The following USP31 variants were observed in gnomAD, a reference collection of about 807,000 sequenced individuals.
USP31 encodes the protein ubiquitin carboxyl-terminal hydrolase 31.
USP31 carries 44 observed loss-of-function variants against 119.4 expected under a neutral mutation model. The ratio of observed to expected loss-of-function variants is 0.37; its 90% confidence interval spans 0.29 to 0.47. USP31 has a LOEUF of 0.47. Among genes scored for constraint, USP31 ranks in the 20% least tolerant of loss-of-function variants. The probability of loss-of-function intolerance (pLI) is 0.99; values close to 1 mark genes in which losing one functional copy is unlikely to be tolerated. For missense variants in USP31, 1,643 were observed against 1,730.2 expected, an observed-to-expected ratio of 0.95 and a Z score of 0.89; for synonymous variants, 749 against 705.6, an observed-to-expected ratio of 1.06 and a Z score of -0.97.
intron 1 of USP31, among the ~76,000 whole-genome samples, chr16:23,138,626 T>C (rs1478686048): frequency 6.6e-6 from 1 of 152,110 alleles, no homozygotes; most frequent in Non-Finnish European, 1.5e-5. Flanking sequence ...TCAGTGGGCC[T>C]CCTCCCATTC....
chr16:23,073,721 C>T lies in USP31; in HGVS notation c.2335+1G>A. 6.2e-7 allele frequency: 1 copy of T among 1,611,112 alleles called. No individual in the cohort carries two copies. The highest frequency in any genetic ancestry group is 8.5e-7 in the Non-Finnish European group (1 of 1,178,754). On this transcript the variant is annotated splice_donor_variant, in intron 14 of 15. Coordinates refer to ENST00000219689, the MANE Select transcript of USP31 (RefSeq NM_020718.4). LOFTEE classifies it high-confidence loss of function. ...TGCCCAAGAACAAGAGTGGACCTCA[C>T]CTGCCACCGAGCTGTTGGCTGACCA... is the stretch of plus-strand genomic sequence containing the variant.
At chr16:23,075,270 A>G (rs1444620010) in intron 13 of USP31, among the ~76,000 whole-genome samples, 1 of 152,186 alleles carries the variant, frequency 6.6e-6, no homozygotes, top group Non-Finnish European at 1.5e-5. Flanking sequence ...CACATGACCC[A>G]GCTGGGGAGT....
At chr16:23,114,371 G>C (rs913168067) in intron 1 of USP31, among the ~76,000 whole-genome samples, 1 of 151,596 alleles carries the variant, frequency 6.6e-6, no homozygotes, top group Admixed American at 6.6e-5. Context: ...CATAGAGTTG[G>C]GCCACACAAA....
intron 1 of USP31, 99 bp downstream of exon 1, chr16:23,148,539 G>A (rs897352184): frequency 1.5e-6 from 2 of 1,366,928 alleles, no homozygotes; most frequent in African/African-American, 1.5e-5. Context: ...CAATGCAGAA[G>A]CCTGCCGGGC....
At chr16:23,087,318 A>G (rs1901153350) in intron 8 of USP31, 132 bp from the exon 9 acceptor site, 1 of 760,778 alleles carries the variant, frequency 1.3e-6, no homozygotes, top group South Asian at 1.9e-5. Flanking sequence ...ATAAGATTCT[A>G]TAAGGTTGTT....
chr16:23,084,220 T>C (rs1488537376), intron 11 of USP31, among the ~76,000 whole-genome samples: 1 of 152,174 alleles, frequency 6.6e-6, no homozygotes, highest in East Asian at 1.9e-4. Context: ...GTTTATAAGG[T>C]GCATAAAAAT....
In USP31 at chr16:23,131,019, T is replaced by C. The variant is rs139913323; in HGVS notation, c.633+17619A>G. Among the ~76,000 whole-genome samples, 255 of 152,288 alleles carry C rather than the reference T, an allele frequency of 1.7e-3. 4 individuals are homozygous for C. Among genetic ancestry groups the C allele is most frequent in the East Asian group, 3.9e-3 (20 of 5,178 alleles). ...TATACGCTATACCCGTCAAGACATT[T>C]AGAAATTCAGCTGGGCGCTGTGGCT... On this transcript the variant is annotated intron_variant, in intron 1 of 15. Transcript: ENST00000219689.
chr16:23,087,888 A>C, intron 7 of USP31, 53 bp from the exon 8 acceptor site: 2 of 1,453,044 alleles, frequency 1.4e-6, no homozygotes, highest in Non-Finnish European at 1.9e-6. Flanking sequence ...TTCCTTTAAC[A>C]CTGTTATCTT....
At chr16:23,123,127 T>C (rs948505204) in intron 1 of USP31, among the ~76,000 whole-genome samples, 19 of 152,106 alleles carry the variant, frequency 1.2e-4, no homozygotes, top group Non-Finnish European at 8.8e-5. Context: ...CCTTCTGGAG[T>C]GTTAGAGATG....
chr16:23,068,422 A>G lies in USP31; in HGVS notation c.3683T>C (p.Phe1228Ser), dbSNP rs753299696. The G allele has an allele frequency of 4.3e-6, 7 of 1,613,764 alleles. No homozygotes were observed. The South Asian group carries it at 5.5e-5, about 13-fold the overall frequency. The change falls in exon 16 of 16, where the codon TTC (phenylalanine) becomes TCC (serine). Residue 1228 changes from phenylalanine to serine, a missense_variant. Physicochemically the swap from Phe to Ser is radical, Grantham distance 155. This residue lies in a region of USP31 where 699 missense variants were observed against 650.9 expected (regional missense o/e 1.07). Coordinates refer to ENST00000219689, the MANE Select transcript of USP31 (RefSeq NM_020718.4). ...CTTCTGTCTCAAGGCTGATTTGAAG[A>G]AGGACAGCCCCTTGTCCTCAGACTT... ...DSKSEDKGLS[F>S]FKSALRQKET...
chr16:23,077,609 T>C (rs979524429), intron 13 of USP31, among the ~76,000 whole-genome samples: 12 of 152,140 alleles, frequency 7.9e-5, no homozygotes, highest in Admixed American at 7.2e-4. Flanking sequence ...TATAAATCAA[T>C]GGTCAGCACT....
intron 13 of USP31, among the ~76,000 whole-genome samples, chr16:23,075,230 G>T (rs890404657): frequency 3.3e-5 from 5 of 152,158 alleles, no homozygotes; most frequent in African/African-American, 1.2e-4. Context: ...AACAGCAATT[G>T]GCCAGTGGCG....
At chr16:23,080,913 C>A (rs544403645) in intron 12 of USP31, among the ~76,000 whole-genome samples, 2 of 152,266 alleles carry the variant, frequency 1.3e-5, no homozygotes, top group East Asian at 3.9e-4. Flanking sequence ...TGGAGTGTAT[C>A]CTCTGTGGCT....
rs114468071 is a variant in USP31, at chr16:23,080,158, C to T, written c.1964G>A (p.Arg655His). The T allele has an allele frequency of 3.8e-5, 59 of 1,547,076 alleles. No individual in the cohort carries two copies. The highest frequency in any genetic ancestry group is 1.2e-4 in the East Asian group (5 of 43,054). Residue 655 changes from arginine (R) to histidine (H), a missense_variant, in exon 13 of 16, where the codon CGC becomes CAC. Physicochemically the swap from Arg to His is conservative, Grantham distance 29. Around this residue, in one of 5 missense-constraint regions of USP31, gnomAD observed 279 missense variants for 372.2 expected, o/e 0.75. Coordinates refer to ENST00000219689, the MANE Select transcript of USP31 (RefSeq NM_020718.4). The part of the protein sequence containing the change: ...LKRFRQEGDR[R>H]MKLQNMVKFP... Reference sequence around the variant, plus strand: ...TTTGACCATGTTCTGAAGTTTCATGCGCCTGTCTCCTTCCTGTTGCAAGAA... The same window carrying T: ...TTTGACCATGTTCTGAAGTTTCATGTGCCTGTCTCCTTCCTGTTGCAAGAA...
chr16:23,139,046 CTTAATA>C (rs1252477165), intron 1 of USP31, among the ~76,000 whole-genome samples: 1 of 152,156 alleles, frequency 6.6e-6, no homozygotes, highest in Non-Finnish European at 1.5e-5. Context: ...AATCTGTAGA[CTTAATA>C]AATCTATATA....
At position 23,128,037 on chromosome 16, in the gene USP31, T is replaced by C. The variant is rs144983194; in HGVS notation, c.634-19854A>G. Among the ~76,000 whole-genome samples, 27 of 152,242 alleles carry C rather than the reference T, an allele frequency of 1.8e-4. No individual in the cohort carries two copies. In the East Asian group the frequency reaches 4.8e-3, roughly 27 times the overall value. On this transcript the variant is annotated intron_variant, in intron 1 of 15. Coordinates refer to ENST00000219689, the MANE Select transcript of USP31 (RefSeq NM_020718.4). ...ATTTACGCTGGTGTTACAAGTAGGATTTTCAGCATGGGAGGAACAAGCCAC... is the reference window on the plus strand; with the variant it reads ...ATTTACGCTGGTGTTACAAGTAGGACTTTCAGCATGGGAGGAACAAGCCAC...
At chr16:23,114,686 C>T (rs1405932067) in intron 1 of USP31, among the ~76,000 whole-genome samples, 1 of 152,150 alleles carries the variant, frequency 6.6e-6, no homozygotes, top group Non-Finnish European at 1.5e-5. Flanking sequence ...GGCAGAGTGC[C>T]AAGGCTGCTC....
At chr16:23,093,993 G>C (rs1171827057) in intron 6 of USP31, among the ~76,000 whole-genome samples, 1 of 152,158 alleles carries the variant, frequency 6.6e-6, no homozygotes, top group Admixed American at 6.5e-5. Flanking sequence ...CATTGGGACG[G>C]TTGGACAGTG....
At chr16:23,078,858 C>T (rs1339090554) in intron 13 of USP31, 2 of 152,078 alleles carry the variant, frequency 1.3e-5, no homozygotes, top group Non-Finnish European at 2.9e-5. Context: ...AAAATATTAC[C>T]TACATACAGT....
Sources: gnomAD v4.1 joint callset for allele counts (sites outside exome capture counted in the v4.1 genomes callset) on GRCh38, gnomAD v4.1.1 for gene constraint, gnomAD v4.1.1 regional missense constraint, MANE v1.5 for transcripts, NCBI Gene and HGNC (gene_info 2026-07-23, HGNC 2026-07-21) for gene names.